Variants in HAUS7 observed in about 807,000 individuals in gnomAD.
HAUS7 encodes HAUS augmin like complex subunit 7, also known as HAUS augmin-like complex subunit 7.
A neutral mutation model predicts 28.4 loss-of-function variants in HAUS7; 3 were observed. The observed-to-expected ratio is 0.11, with a 90% CI of 0.05 to 0.27. HAUS7 has a LOEUF of 0.27. Ranked by LOEUF, HAUS7 falls within the 10% of genes least tolerant of loss-of-function variation. The pLI is 1.00. For missense variants in HAUS7, 284 were observed against 297.3 expected (o/e 0.96, Z 0.33); for synonymous variants, 165 against 132.1 (o/e 1.25, Z -1.71).
chrX:153,491,705 G>T (rs2980043), intron 1 of HAUS7, among the ~76,000 whole-genome samples: 1 of 112,468 alleles, frequency 8.9e-6, no homozygotes, highest in Admixed American at 9.3e-5. Context: ...GCCCTGTGCA[G>T]GGGCAACTGC....
chrX:153,465,789 G>C (rs1318661457), intron 2 of HAUS7, among the ~76,000 whole-genome samples: 2 of 111,836 alleles, frequency 1.8e-5, no homozygotes, highest in Non-Finnish European at 3.8e-5. Flanking sequence ...CCTCCTTCAG[G>C]GGAGCACAGC....
chrX:153,492,042 T>G (rs2089674484), intron 1 of HAUS7, among the ~76,000 whole-genome samples: 2 of 112,395 alleles, frequency 1.8e-5, no homozygotes, highest in Admixed American at 1.9e-4. Flanking sequence ...TGCCGCGGGT[T>G]CCTGGGGAGC....
chrX:153,476,077 G>C lies in HAUS7; in HGVS notation c.-588-4932C>G, dbSNP rs191918095. Among the ~76,000 whole-genome samples the C allele has an allele frequency of 1.2e-4, 13 of 111,986 alleles. No individual in the cohort carries two copies. The East Asian group carries it at 3.7e-3, about 32-fold the overall frequency. On this transcript the variant is annotated intron_variant, in intron 1 of 5. Coordinates refer to the HAUS7 transcript ENST00000370210. ...GTGACTCCTCTGCTTAGCAGTCCAAGGTGGCTCCCTGATTCTTTCAAGGAC... is the reference window on the plus strand; with the variant it reads ...GTGACTCCTCTGCTTAGCAGTCCAACGTGGCTCCCTGATTCTTTCAAGGAC...
intron 1 of HAUS7, chrX:153,482,367 C>T (rs942812433): frequency 3.0e-5 from 23 of 755,422 alleles, no homozygotes; most frequent in East Asian, 1.5e-4. Flanking sequence ...GTTGGGAACT[C>T]GCTGACCACA....
upstream of HAUS7, among the ~76,000 whole-genome samples, chrX:153,472,186 A>G (rs2089530136): frequency 9.1e-6 from 1 of 110,180 alleles, no homozygotes; most frequent in African/African-American, 3.3e-5. Flanking sequence ...CTGGAAGAAA[A>G]TCTCCCTCCT....
intron 1 of HAUS7, among the ~76,000 whole-genome samples, chrX:153,478,705 G>A (rs1218864281): frequency 5.3e-5 from 6 of 112,972 alleles, no homozygotes; most frequent in African/African-American, 1.3e-4. Context: ...CAGCACTGGG[G>A]TCTCAGGCAC....
Position 153,456,606 on chromosome X carries a change from C to G in HAUS7, c.492G>C (p.Leu164Phe). The change falls in exon 6 of 10, where the codon TTG becomes TTC. Residue 164 changes from leucine to phenylalanine, a missense_variant. Coordinates refer to ENST00000370211, the MANE Select transcript of HAUS7 (RefSeq NM_001385482.1). The stretch of plus-strand genomic sequence containing the variant: ...GGGGGCTAGAGAAGAGCTCCCCCAG[C>G]AAGGCCTCGTTCTTCTCCCTGGTGT... The part of the protein sequence containing the change: ...FEDTREKNEA[L>F]LGELFSSPHL... 1 of 1,182,885 alleles carries G rather than the reference C, an allele frequency of 8.5e-7. No individual in the cohort carries two copies. The highest frequency in any genetic ancestry group is 1.1e-6 in the Non-Finnish European group (1 of 879,448).
At chrX:153,457,901 A>G (rs2089336396) in intron 4 of HAUS7, among the ~76,000 whole-genome samples, 1 of 113,430 alleles carries the variant, frequency 8.8e-6, no homozygotes, top group Non-Finnish European at 1.9e-5. Context: ...CCTGCTCCAG[A>G]AAGCCCCCAG....
intron 1 of HAUS7, chrX:153,482,257 G>C (rs1273924995): frequency 8.0e-5 from 59 of 737,996 alleles, no homozygotes; most frequent in Non-Finnish European, 9.1e-5. Flanking sequence ...CCAAAGCCAT[G>C]CCCAGGAAGG....
In HAUS7 at chrX:153,470,484, G is replaced by A; in HGVS notation, c.74C>T (p.Ser25Phe). Residue 25 changes from serine (S) to phenylalanine (F), a missense_variant, in exon 1 of 10, where the codon TCC becomes TTC. Transcript: ENST00000370211. ...CCCGAACACCTCCACAGCCGCCCTGGACACGCTGCTGTCGCCCTCGTCCTC... is the reference window on the plus strand; with the variant it reads ...CCCGAACACCTCCACAGCCGCCCTGAACACGCTGCTGTCGCCCTCGTCCTC... ...YSEDEGDSSV[S>F]RAAVEVFGKL... 1 of 1,207,999 alleles carries A rather than the reference G, an allele frequency of 8.3e-7. No individual in the cohort carries two copies. Among genetic ancestry groups the A allele is most frequent in the Non-Finnish European group, 1.1e-6 (1 of 893,481 alleles).
intron 1 of HAUS7, among the ~76,000 whole-genome samples, chrX:153,484,566 G>A (rs1432021518): frequency 1.8e-5 from 2 of 110,927 alleles, no homozygotes; most frequent in African/African-American, 6.6e-5. Flanking sequence ...CCAAGGCAGG[G>A]TGGGGCCGCA....
chrX:153,486,188 G>A, intron 1 of HAUS7: 1 of 653,179 alleles, frequency 1.5e-6, no homozygotes, highest in South Asian at 3.0e-5. Flanking sequence ...GAGGCCAGGA[G>A]GCCCTGCCTT....
intron 1 of HAUS7, among the ~76,000 whole-genome samples, chrX:153,493,284 G>A (rs1199785080): frequency 8.9e-6 from 1 of 112,135 alleles, no homozygotes; most frequent in Non-Finnish European, 1.9e-5. Context: ...GGCCTTTTGC[G>A]ACTGGCTGCT....
chrX:153,480,417 G>A (rs908799263), intron 1 of HAUS7, among the ~76,000 whole-genome samples: 2 of 111,575 alleles, frequency 1.8e-5, no homozygotes, highest in African/African-American at 3.3e-5. Context: ...TGCTGCTGAC[G>A]GTGGGGACAC....
intron 2 of HAUS7, 89 bp downstream of exon 2, chrX:153,469,057 C>G: frequency 1.8e-6 from 1 of 541,568 alleles, no homozygotes; most frequent in Non-Finnish European, 3.3e-6. Flanking sequence ...CAGCTACTCA[C>G]AGTAACCACA....
In HAUS7 at chrX:153,488,766, G is replaced by A. The variant is rs2089654264; in HGVS notation, c.-589+6608C>T. 4.4e-5 allele frequency among the ~76,000 whole-genome samples: 5 copies of A among 112,786 alleles called. No homozygotes were observed. The South Asian group carries it at 1.5e-3, about 33-fold the overall frequency. On this transcript the variant is annotated intron_variant, in intron 1 of 5. Coordinates refer to the HAUS7 transcript ENST00000370210. The stretch of plus-strand genomic sequence containing the variant: ...TCTCGCAGTCCCAGAGGTCAGGCCC[G>A]GGAGGCACAGGAAGTGCAGGCTGGG...
chrX:153,473,345 G>A (rs1195671205), upstream of HAUS7, among the ~76,000 whole-genome samples: 1 of 112,611 alleles, frequency 8.9e-6, no homozygotes, highest in Non-Finnish European at 1.9e-5. Context: ...AGACCTGAGG[G>A]GGAGCCACCC....
intron 4 of HAUS7, among the ~76,000 whole-genome samples, chrX:153,459,250 C>G (rs999377612): frequency 1.8e-5 from 2 of 111,838 alleles, no homozygotes; most frequent in African/African-American, 6.5e-5. Flanking sequence ...TTCTGTCTTT[C>G]TTATTGAGTT....
intron 1 of HAUS7, among the ~76,000 whole-genome samples, chrX:153,492,801 C>T (rs1204468280): frequency 1.8e-5 from 2 of 111,430 alleles, no homozygotes; most frequent in Non-Finnish European, 3.8e-5. Flanking sequence ...CTCCAGGTCA[C>T]CTCCTCCAGG....
Sources: gnomAD v4.1 joint callset for allele counts (sites outside exome capture counted in the v4.1 genomes callset) on GRCh38, gnomAD v4.1.1 for gene constraint, MANE v1.5 for transcripts, NCBI Gene and HGNC (gene_info 2026-07-23, HGNC 2026-07-21) for gene names.